Variants in GNG2 observed in about 807,000 individuals in gnomAD.
GNG2 encodes the protein guanine nucleotide-binding protein G(I)/G(S)/G(O) subunit gamma-2.
Under a neutral mutation model 5.5 loss-of-function variants are expected in GNG2, and 5 were observed. The observed-to-expected ratio is 0.91, with a 90% CI of 0.48 to 1.92. The LOEUF is 1.92. GNG2 is among the 30% of genes most tolerant of loss of function. The pLI is 0.01. For synonymous variants in GNG2, 28 were observed against 32.0 expected, an observed-to-expected ratio of 0.88 and a Z score of 0.42; for missense variants, 55 against 88.4, an observed-to-expected ratio of 0.62 and a Z score of 1.52.
chr14:51,938,463 G>A (rs767815206), intron 2 of GNG2, among the ~76,000 whole-genome samples: 19 of 152,200 alleles, frequency 1.2e-4, no homozygotes, highest in Non-Finnish European at 1.6e-4. Flanking sequence ...ACAATGTGCT[G>A]TCACAAACAT....
intron 3 of GNG2, chr14:51,951,782 A>C (rs1033043814): frequency 6.1e-6 from 4 of 659,316 alleles, no homozygotes; most frequent in African/African-American, 5.4e-5. Flanking sequence ...ACTCATTTAC[A>C]TATTGTCTAT....
intron 2 of GNG2, chr14:51,914,365 C>A: frequency 1.5e-6 from 1 of 689,296 alleles, no homozygotes; most frequent in Admixed American, 2.1e-5. Flanking sequence ...AACCATAGCT[C>A]CTGCTCTAAT....
intron 2 of GNG2, among the ~76,000 whole-genome samples, chr14:51,921,436 A>G (rs1887009286): frequency 6.6e-6 from 1 of 152,244 alleles, no homozygotes; most frequent in Admixed American, 6.5e-5. Flanking sequence ...TATAAACAAA[A>G]TAGTGTTTGG....
chr14:51,942,596 T>TC (rs375391064), intron 2 of GNG2, among the ~76,000 whole-genome samples: 3 of 137,872 alleles, frequency 2.2e-5, no homozygotes, highest in African/African-American at 5.5e-5. Context: ...TTTCTTTTTT[T>TC]TTTTTTTTTT....
chr14:51,834,977 G>T (rs1026839106), intron 2 of GNG2, among the ~76,000 whole-genome samples: 6 of 152,192 alleles, frequency 3.9e-5, no homozygotes, highest in African/African-American at 1.4e-4. Context: ...AGAGCCGAGG[G>T]CTCTAAAAGT....
intron 1 of GNG2, among the ~76,000 whole-genome samples, chr14:51,866,392 C>G (rs1882888744): frequency 6.6e-6 from 1 of 152,196 alleles, no homozygotes; most frequent in Non-Finnish European, 1.5e-5. Flanking sequence ...CAAGTCCCTA[C>G]TGCCTTTGTG....
intron 2 of GNG2, chr14:51,913,000 CT>C (rs1385397611): frequency 1.3e-5 from 2 of 152,092 alleles, no homozygotes; most frequent in Non-Finnish European, 2.9e-5. Context: ...TATGTTTCTG[CT>C]TTCAAAGGGA....
intron 3 of GNG2, among the ~76,000 whole-genome samples, chr14:51,965,672 T>C (rs969739693): frequency 1.3e-5 from 2 of 152,196 alleles, no homozygotes; most frequent in African/African-American, 2.4e-5. Context: ...ATGTTCTATA[T>C]AGTGTGTGTA....
chr14:51,900,623 C>G (rs78110317), intron 2 of GNG2, among the ~76,000 whole-genome samples: 1,845 of 150,750 alleles, frequency 0.012, 15 homozygotes, highest in Non-Finnish European at 0.018. Context: ...AGCTTTGGAA[C>G]ATTTTTCTTA....
chr14:51,900,813 C>T (rs1258747446), intron 2 of GNG2, among the ~76,000 whole-genome samples: 1 of 152,022 alleles, frequency 6.6e-6, no homozygotes, highest in Non-Finnish European at 1.5e-5. Context: ...GAAAGAGTAG[C>T]TCAACAGTCA....
intron 2 of GNG2, among the ~76,000 whole-genome samples, chr14:51,948,816 C>T (rs1261806811): frequency 2.6e-5 from 4 of 152,112 alleles, no homozygotes; most frequent in Admixed American, 2.0e-4. Context: ...TGTCTCCAAA[C>T]TCTTTGAAAA....
At chr14:51,938,666 T>G (rs1266552917) in intron 2 of GNG2, among the ~76,000 whole-genome samples, 1 of 152,180 alleles carries the variant, frequency 6.6e-6, no homozygotes, top group African/African-American at 2.4e-5. Context: ...ACTAGAAATA[T>G]CCCCAGATAA....
intron 2 of GNG2, chr14:51,916,510 G>GAA: frequency 4.7e-5 from 19 of 403,552 alleles, no homozygotes; most frequent in East Asian, 7.8e-5. Context: ...AAATAATCCT[G>GAA]AAAAAAAAAA....
At chr14:51,838,383 G>T (rs933014906) in intron 2 of GNG2, among the ~76,000 whole-genome samples, 4 of 151,890 alleles carry the variant, frequency 2.6e-5, no homozygotes, top group Non-Finnish European at 5.9e-5. Flanking sequence ...GGCAAAGGTT[G>T]CAATGAGCCG....
intron 2 of GNG2, among the ~76,000 whole-genome samples, chr14:51,849,869 T>C (rs954598170): frequency 4.4e-4 from 67 of 151,630 alleles, no homozygotes; most frequent in Non-Finnish European, 7.8e-4. Context: ...TGCAGTGTCA[T>C]GATTGTTGCA....
intron 2 of GNG2, among the ~76,000 whole-genome samples, chr14:51,903,988 T>C (rs1308786362): frequency 1.3e-5 from 2 of 152,192 alleles, no homozygotes; most frequent in African/African-American, 4.8e-5. Flanking sequence ...AACTTTACCA[T>C]AGAAGGAATT....
At chr14:51,908,283 C>T (rs773488836) in intron 2 of GNG2, among the ~76,000 whole-genome samples, 72 of 152,292 alleles carry the variant, frequency 4.7e-4, no homozygotes, top group Non-Finnish European at 5.3e-4. Context: ...AAGACGGAAG[C>T]CACAGTCTTT....
At chr14:51,919,274 A>G (rs1481571432) in intron 2 of GNG2, among the ~76,000 whole-genome samples, 1 of 152,222 alleles carries the variant, frequency 6.6e-6, no homozygotes, top group African/African-American at 2.4e-5. Context: ...TTACTCAAAA[A>G]ATCTTTTCTT....
At chr14:51,964,510 C>T (rs1456167859) in intron 3 of GNG2, among the ~76,000 whole-genome samples, 3 of 152,162 alleles carry the variant, frequency 2.0e-5, no homozygotes, top group Non-Finnish European at 2.9e-5. Flanking sequence ...CTCACTCCTA[C>T]CATATGTCAA....
Sources: gnomAD v4.1 joint callset for allele counts (sites outside exome capture counted in the v4.1 genomes callset) on GRCh38, gnomAD v4.1.1 for gene constraint, MANE v1.5 for transcripts, NCBI Gene and HGNC (gene_info 2026-07-23, HGNC 2026-07-21) for gene names.